TRAPPC9: variants seen among roughly 807,000 people sequenced by gnomAD.
The protein encoded by TRAPPC9 is IKK2 binding protein.
Under a neutral mutation model 124.0 loss-of-function variants are expected in TRAPPC9, and 83 were observed. The observed-to-expected ratio is 0.67, with a 90% confidence interval of 0.56 to 0.80. The LOEUF is 0.80. Ranked by LOEUF, TRAPPC9 falls within the 30% of genes least tolerant of loss-of-function variation. The probability of loss-of-function intolerance (pLI) is 0.00; values close to 1 mark genes in which losing one functional copy is unlikely to be tolerated. For synonymous variants in TRAPPC9, 638 were observed against 617.5 expected, an observed-to-expected ratio of 1.03 and a Z score of -0.49; for missense variants, 1,302 against 1,508.3, an observed-to-expected ratio of 0.86 and a Z score of 2.27.
At chr8:140,345,024 G>A (rs1434609130) in intron 9 of TRAPPC9, among the ~76,000 whole-genome samples, 1 of 152,256 alleles carries the variant, frequency 6.6e-6, no homozygotes. Context: ...GGGCGGGCAG[G>A]GGCACCCTGC....
intron 18 of TRAPPC9, among the ~76,000 whole-genome samples, chr8:140,002,909 CA>C (rs1838497515): frequency 7.8e-6 from 1 of 128,578 alleles, no homozygotes; most frequent in Admixed American, 7.6e-5. Flanking sequence ...AAAAGTTACT[CA>C]AAACACACAG....
At chr8:140,410,960 A>C (rs191161144) in intron 5 of TRAPPC9, among the ~76,000 whole-genome samples, 1 of 152,218 alleles carries the variant, frequency 6.6e-6, no homozygotes, top group African/African-American at 2.4e-5. Context: ...CATTAATGAT[A>C]TATAAACAGC....
At chr8:139,961,814 T>A (rs1261973863) in intron 19 of TRAPPC9, among the ~76,000 whole-genome samples, 1 of 123,684 alleles carries the variant, frequency 8.1e-6, no homozygotes, top group Admixed American at 8.5e-5. Flanking sequence ...AGGCACTTCC[T>A]CGCCTGTGAG....
At chr8:140,452,328 G>A (rs2071493701) in intron 1 of TRAPPC9, among the ~76,000 whole-genome samples, 3 of 148,980 alleles carry the variant, frequency 2.0e-5, no homozygotes, top group African/African-American at 5.0e-5. Context: ...GCTGAGGCAG[G>A]AGAATGGCAT....
chr8:140,155,903 C>T (rs2061620468), intron 17 of TRAPPC9, among the ~76,000 whole-genome samples: 1 of 152,194 alleles, frequency 6.6e-6, no homozygotes, highest in Admixed American at 6.5e-5. Context: ...TACTGACGAT[C>T]AAGGGTATAA....
intron 16 of TRAPPC9, among the ~76,000 whole-genome samples, chr8:140,227,035 A>G (rs998835971): frequency 2.0e-5 from 3 of 152,190 alleles, no homozygotes; most frequent in African/African-American, 7.2e-5. Flanking sequence ...TAAAGATACA[A>G]AACACAAGAA....
In TRAPPC9 at chr8:140,217,422, G is replaced by A. The variant is rs78349491; in HGVS notation, c.2556+4037C>T. ...GAGTCTGAGGATGAGAACAGGCTGC[G>A]CAATGAGAGGGTGCCGGTAGCAGTG... On this transcript the variant is annotated intron_variant, in intron 17 of 22. Transcript: ENST00000438773. 1.6e-3 allele frequency among the ~76,000 whole-genome samples: 240 copies of A among 152,270 alleles called. 5 individuals carry two copies. The East Asian group carries it at 0.041, about 26-fold the overall frequency.
At chr8:139,765,893 G>A (rs1186131482) in intron 21 of TRAPPC9, among the ~76,000 whole-genome samples, 2 of 152,202 alleles carry the variant, frequency 1.3e-5, no homozygotes, top group Non-Finnish European at 2.9e-5. Context: ...CTGTGCCAGG[G>A]CGGTGAGCTG....
chr8:139,987,078 C>T (rs756984158), intron 19 of TRAPPC9, among the ~76,000 whole-genome samples: 2 of 152,196 alleles, frequency 1.3e-5, no homozygotes, highest in Non-Finnish European at 2.9e-5. Flanking sequence ...GTTGCAAGTG[C>T]TGTTCTGTGT....
chr8:140,397,105 A>G (rs970536010), intron 7 of TRAPPC9, among the ~76,000 whole-genome samples: 1 of 152,230 alleles, frequency 6.6e-6, no homozygotes, highest in African/African-American at 2.4e-5. Context: ...AAATCCTTCT[A>G]AGACTATCAA....
In TRAPPC9 at chr8:139,794,733, G is replaced by A. The variant is rs116507413; in HGVS notation, c.3056-62531C>T. ...GTTCTTGGTGCCTGAGGCTATGCTG[G>A]TCCCTGCCATCCTCAGAGGGGCTGG... On this transcript the variant is annotated intron_variant, in intron 21 of 22. Coordinates refer to ENST00000438773, the MANE Select transcript of TRAPPC9 (RefSeq NM_001160372.4). Among the ~76,000 whole-genome samples the A allele has an allele frequency of 8.6e-3, 1,306 of 152,254 alleles. 15 individuals are homozygous for A. The highest frequency in any genetic ancestry group is 0.03 in the African/African-American group (1,230 of 41,550).
chr8:140,374,416 C>T (rs1008447496), intron 7 of TRAPPC9, among the ~76,000 whole-genome samples: 1 of 151,978 alleles, frequency 6.6e-6, no homozygotes. Context: ...CTAAAAAATA[C>T]AAAATTAGCC....
chr8:139,968,970 T>C (rs568713307), intron 19 of TRAPPC9, among the ~76,000 whole-genome samples: 1 of 152,256 alleles, frequency 6.6e-6, no homozygotes, highest in Non-Finnish European at 1.5e-5. Context: ...TCAGACAAAC[T>C]CCATGGCTAG....
At chr8:140,155,794 G>C (rs2061618349) in intron 17 of TRAPPC9, among the ~76,000 whole-genome samples, 1 of 152,204 alleles carries the variant, frequency 6.6e-6, no homozygotes, top group African/African-American at 2.4e-5. Context: ...GATTGGCAAT[G>C]CCTCATGGGA....
rs751880050 is a variant in TRAPPC9 at position 140,311,419 on chromosome 8, T to C, written c.1496-45A>G. On this transcript the variant is annotated intron_variant, in intron 9 of 22. Coordinates refer to ENST00000438773, the MANE Select transcript of TRAPPC9 (RefSeq NM_001160372.4). ...AAAATAAAGATGTATTAGGCAAAAG[T>C]CAAAGTGGCTGGCTTTCATTTTACT... 6 of 1,606,340 alleles carry C rather than the reference T, an allele frequency of 3.7e-6. No individual in the cohort carries two copies. The African/African-American group carries it at 6.7e-5, about 18-fold the overall frequency.
At chr8:139,992,764 T>C (rs1490450275) in intron 18 of TRAPPC9, among the ~76,000 whole-genome samples, 1 of 151,508 alleles carries the variant, frequency 6.6e-6, no homozygotes, top group East Asian at 1.9e-4. Context: ...GACCCATGAA[T>C]ATAAGGAAAC....
At chr8:139,787,410 G>A (rs1283141163) in intron 21 of TRAPPC9, among the ~76,000 whole-genome samples, 2 of 152,114 alleles carry the variant, frequency 1.3e-5, no homozygotes, top group African/African-American at 4.8e-5. Context: ...TAAGGATGAG[G>A]ACCTGGGGTT....
intron 19 of TRAPPC9, among the ~76,000 whole-genome samples, chr8:139,951,105 C>T (rs1318232866): frequency 6.6e-6 from 1 of 152,196 alleles, no homozygotes; most frequent in East Asian, 1.9e-4. Flanking sequence ...CTCTGAGCTC[C>T]ATTTCTTCCT....
intron 16 of TRAPPC9, among the ~76,000 whole-genome samples, chr8:140,243,890 A>G (rs1028210223): frequency 2.0e-5 from 3 of 152,234 alleles, no homozygotes; most frequent in African/African-American, 7.2e-5. Flanking sequence ...TTAGGAACTG[A>G]GCCGCACAGC....
Sources: gnomAD v4.1 joint callset for allele counts (sites outside exome capture counted in the v4.1 genomes callset) on GRCh38, gnomAD v4.1.1 for gene constraint, MANE v1.5 for transcripts, NCBI Gene and HGNC (gene_info 2026-07-23, HGNC 2026-07-21) for gene names.